Variants in NBEAL1 observed in about 807,000 individuals in gnomAD.
NBEAL1 encodes neurobeachin-like protein 1.
NBEAL1 carries 273 observed loss-of-function variants against 351.3 expected under a neutral mutation model. The ratio of observed to expected loss-of-function variants is 0.78; its 90% CI spans 0.70 to 0.86. NBEAL1 has a LOEUF of 0.86. Among genes scored for constraint, NBEAL1 ranks in the 40% least tolerant of loss-of-function variants. The probability of loss-of-function intolerance (pLI) is 0.00; values close to 1 mark genes in which losing one functional copy is unlikely to be tolerated. For synonymous variants in NBEAL1, 1,050 were observed against 1,086.4 expected (o/e 0.97, Z 0.66); for missense variants, 2,961 against 3,201.3 (o/e 0.92, Z 1.81).
chr2:203,055,148 A>T (rs551932017), intron 4 of NBEAL1, among the ~76,000 whole-genome samples: 9 of 152,190 alleles, frequency 5.9e-5, no homozygotes, highest in South Asian at 4.2e-4. Context: ...ACAGATTTTT[A>T]AAAAAAGTTT....
intron 15 of NBEAL1, among the ~76,000 whole-genome samples, chr2:203,111,065 T>C (rs1212557215): frequency 3.3e-5 from 5 of 152,054 alleles, no homozygotes; most frequent in Non-Finnish European, 1.5e-5. Context: ...ATGGGGTGGG[T>C]GCTATAACTC....
chr2:203,156,745 T>C (rs1261604628), intron 35 of NBEAL1, among the ~76,000 whole-genome samples: 1 of 152,202 alleles, frequency 6.6e-6, no homozygotes, highest in African/African-American at 2.4e-5. Flanking sequence ...TTGTCGTCTT[T>C]ATAGTGTTTT....
At chr2:203,083,058 ATG>A (rs1321039869) in intron 8 of NBEAL1, among the ~76,000 whole-genome samples, 159 bp from the exon 9 acceptor site, 2 of 152,216 alleles carry the variant, frequency 1.3e-5, no homozygotes, top group African/African-American at 4.8e-5. Context: ...AAGATTTAAT[ATG>A]TATGAACCAC....
In NBEAL1 at chr2:203,107,959, C is replaced by A. The variant is rs1189702132; in HGVS notation, c.1720C>A (p.Pro574Thr). The change falls in exon 14 of 56, where the codon CCT becomes ACT. Residue 574 changes from proline (P) to threonine (T), a missense_variant. Transcript: ENST00000683969. ...LRVDESESVHPYVTPVTRAIL... is the reference protein window; with the variant it reads ...LRVDESESVHTYVTPVTRAIL... ...AGTGGATGAATCTGAGTCTGTTCAC[C>A]CTTATGTCACTCCCGTGACTCGAGC... 4 of 1,554,224 alleles carry A rather than the reference C, an allele frequency of 2.6e-6. No individual in the cohort carries two copies. The highest frequency in any genetic ancestry group is 3.5e-6 in the Non-Finnish European group (4 of 1,147,800).
rs113089010 is a variant in NBEAL1, at chr2:203,128,090, C to CT, written c.3405+165dup. 1.8e-3 allele frequency among the ~76,000 whole-genome samples: 257 copies of CT among 144,902 alleles called. 7 individuals are homozygous for CT. Among genetic ancestry groups the CT allele is most frequent in the Middle Eastern group, 7.2e-3 (2 of 278 alleles). On this transcript the variant is annotated intron_variant, in intron 24 of 55. Transcript: ENST00000683969. ...TATGCACTTAAGAAGTAAATTTTAT[C>CT]TTTTTTTTTTTTGAGATGGAGTCTC... is the stretch of plus-strand genomic sequence containing the variant.
Position 203,184,208 on chromosome 2 carries a change from A to G in NBEAL1, c.6705+820A>G, listed in dbSNP as rs2105749558. ...CACTGTGGGAGGCCAAGGCGGGCAG[A>G]TCACCTGAGGTCAGGAATTTGCAAC... On this transcript the variant is annotated intron_variant, in intron 44 of 55. Transcript: ENST00000683969. Among the ~76,000 whole-genome samples the G allele has an allele frequency of 4.6e-5, 7 of 152,176 alleles. 1 individual carries two copies. The South Asian group carries it at 1.5e-3, about 32-fold the overall frequency.
rs1265146168 is a variant in NBEAL1, at chr2:203,035,228, A to G, written c.52-6537A>G. ...TAATCACATGTGACTAGTGGCCCCC[A>G]TATTGTATAGCACAGCTCTAAGTTA... On this transcript the variant is annotated intron_variant, in intron 2 of 55. Coordinates refer to ENST00000683969, the MANE Select transcript of NBEAL1 (RefSeq NM_001378026.1). Among the ~76,000 whole-genome samples, 3 of 149,232 alleles carry G rather than the reference A, an allele frequency of 2.0e-5. No individual in the cohort carries two copies. The East Asian group carries it at 5.8e-4, about 29-fold the overall frequency.
intron 55 of NBEAL1, among the ~76,000 whole-genome samples, chr2:203,216,756 A>G (rs1255205963): frequency 1.3e-5 from 2 of 152,178 alleles, no homozygotes; most frequent in East Asian, 1.9e-4. Flanking sequence ...CAAAGACAAA[A>G]TAAGTGTAAA....
In NBEAL1 at chr2:203,122,368, A is replaced by G. The variant is rs549598915; in HGVS notation, c.2682+25A>G. 9.5e-6 allele frequency: 13 copies of G among 1,362,278 alleles called. No homozygotes were observed. In the African/African-American group the frequency reaches 1.8e-4, roughly 18 times the overall value. The allele number at this position is 1,362,278 out of a possible 1,614,324, so 84.4% of individuals were successfully genotyped here. ...GGTAAATTAATAGTAAATGTTGGGCAACATCTTACATAATTTACTGATACT... is the reference window on the plus strand; with the variant it reads ...GGTAAATTAATAGTAAATGTTGGGCGACATCTTACATAATTTACTGATACT... On this transcript the variant is annotated intron_variant, in intron 19 of 55. Transcript: ENST00000683969.
At chr2:203,138,050 G>A (rs1692612261) in intron 29 of NBEAL1, 112 bp from the exon 30 acceptor site, 1 of 928,798 alleles carries the variant, frequency 1.1e-6, no homozygotes, top group Non-Finnish European at 1.6e-6. Flanking sequence ...GCTAGAGATA[G>A]TATATCTTTA....
chr2:203,202,750 C>A lies in NBEAL1; in HGVS notation c.7475C>A (p.Thr2492Asn). The A allele has an allele frequency of 6.3e-7, 1 of 1,598,740 alleles. No homozygotes were observed. Among genetic ancestry groups the A allele is most frequent in the Non-Finnish European group, 8.6e-7 (1 of 1,166,502 alleles). ...CATTTGATTTCTGGTTCCAGAGATA[C>A]TACATGTATGATATGGCAAATAACA... ...GIHLISGSRD[T>N]TCMIWQITQQ... is the part of the protein sequence containing the mutation. Residue 2492 changes from threonine (T) to asparagine (N), a missense_variant, in exon 51 of 56, where the codon ACT becomes AAT. By Grantham distance (65) the Thr-to-Asn change is moderately conservative. Transcript: ENST00000683969.
intron 34 of NBEAL1, among the ~76,000 whole-genome samples, chr2:203,149,928 A>T (rs2063606743): frequency 6.6e-6 from 1 of 152,134 alleles, no homozygotes; most frequent in Non-Finnish European, 1.5e-5. Flanking sequence ...GTATTCCCTT[A>T]TAAGGATATA....
At chr2:203,155,916 G>A (rs573091960) in intron 35 of NBEAL1, among the ~76,000 whole-genome samples, 7 of 152,018 alleles carry the variant, frequency 4.6e-5, no homozygotes, top group Non-Finnish European at 1.0e-4. Flanking sequence ...TGATCTCATG[G>A]CTAACCCACC....
At chr2:203,070,071 T>G (rs1162165775) in intron 7 of NBEAL1, among the ~76,000 whole-genome samples, 1 of 152,200 alleles carries the variant, frequency 6.6e-6, no homozygotes, top group East Asian at 1.9e-4. Context: ...GGGAAAAAAT[T>G]CAGTCTTTCA....
intron 48 of NBEAL1, among the ~76,000 whole-genome samples, chr2:203,197,735 C>T (rs1013827682): frequency 2.0e-5 from 3 of 152,052 alleles, no homozygotes; most frequent in Non-Finnish European, 4.4e-5. Context: ...TGGTGAAACC[C>T]TGTCTCTACT....
At chr2:203,072,233 T>C (rs1046998826) in intron 7 of NBEAL1, among the ~76,000 whole-genome samples, 1 of 152,192 alleles carries the variant, frequency 6.6e-6, no homozygotes, top group African/African-American at 2.4e-5. Context: ...TCTACCTTCA[T>C]TCCTTCCCAC....
chr2:203,208,065 TGAGTCCCA>T (rs2065660769), intron 51 of NBEAL1, among the ~76,000 whole-genome samples: 1 of 152,146 alleles, frequency 6.6e-6, no homozygotes, highest in Non-Finnish European at 1.5e-5. Flanking sequence ...AAGGATTACC[TGAGTCCCA>T]GAGTTCAAGA....
At chr2:203,177,714 C>T (rs2064554765) in intron 42 of NBEAL1, among the ~76,000 whole-genome samples, 1 of 151,978 alleles carries the variant, frequency 6.6e-6, no homozygotes, top group African/African-American at 2.4e-5. Context: ...TCTGGCAGTT[C>T]CTCAAAAAGT....
rs2065990232 is a variant in NBEAL1, at chr2:203,224,731, AAAAG to A, written c.*7381_*7384del. Among the ~76,000 whole-genome samples, 1 of 152,138 alleles carries A rather than the reference AAAAG, an allele frequency of 6.6e-6. No individual in the cohort carries two copies. Among genetic ancestry groups the A allele is most frequent in the Non-Finnish European group, 1.5e-5 (1 of 67,996 alleles). On this transcript the variant is annotated 3_prime_UTR_variant, in exon 56 of 56. Coordinates refer to ENST00000683969, the MANE Select transcript of NBEAL1 (RefSeq NM_001378026.1). ...CTTATTCTACTGGAATTGACCATGA[AAAAG>A]AAAATATTATGCCTTATTTATATCT...
Sources: allele counts gnomAD v4.1 joint callset (sites outside exome capture counted in the v4.1 genomes callset), GRCh38; gene constraint gnomAD v4.1.1; transcripts MANE v1.5; gene names NCBI Gene and HGNC (gene_info 2026-07-23, HGNC 2026-07-21).